The following BEGAIN variants were observed in gnomAD, a reference collection of about 807,000 sequenced individuals.
BEGAIN encodes the protein brain-enriched guanylate kinase-associated protein.
Under a neutral mutation model 35.8 loss-of-function variants are expected in BEGAIN, and 19 were observed. The ratio of observed to expected loss-of-function variants is 0.53; its 90% CI spans 0.37 to 0.78. The LOEUF (loss-of-function observed/expected upper bound fraction) is 0.78. Among genes scored for constraint, BEGAIN ranks in the 30% least tolerant of loss-of-function variants. The pLI, the probability that BEGAIN is intolerant of heterozygous loss-of-function variation, is 0.00. For synonymous variants in BEGAIN, 462 were observed against 388.6 expected, an observed-to-expected ratio of 1.19 and a Z score of -2.22; for missense variants, 795 against 853.6, an observed-to-expected ratio of 0.93 and a Z score of 0.85.
At chr14:100,554,208 C>A (rs2033483004) in intron 2 of BEGAIN, among the ~76,000 whole-genome samples, 1 of 152,160 alleles carries the variant, frequency 6.6e-6, no homozygotes. Context: ...TGAGCAGGTT[C>A]CTGGAGGCTG....
chr14:100,537,888 G>T lies in BEGAIN; in HGVS notation c.*81C>A. Reference sequence around the variant, plus strand: ...TGGCCGGGGCAGGGGAACAGCGGGGGCTGGGGAGAGGTGAGGCCGGCCCTT... The same window carrying T: ...TGGCCGGGGCAGGGGAACAGCGGGGTCTGGGGAGAGGTGAGGCCGGCCCTT... On this transcript the variant is annotated 3_prime_UTR_variant, in exon 7 of 7. Transcript: ENST00000554140. The T allele has an allele frequency of 1.3e-6, 2 of 1,490,966 alleles. No homozygotes were observed. Among genetic ancestry groups the T allele is most frequent in the South Asian group, 2.6e-5 (2 of 75,642 alleles). 92.4% of individuals were successfully genotyped at this position (1,490,966 alleles called of 1,614,324 possible). A position where few individuals can be genotyped will look rare whatever the true frequency, so the allele number is the denominator to read the frequency against.
At chr14:100,560,377 C>G (rs938045046) in intron 2 of BEGAIN, among the ~76,000 whole-genome samples, 1 of 152,232 alleles carries the variant, frequency 6.6e-6, no homozygotes, top group African/African-American at 2.4e-5. Context: ...CCTGCCCCTG[C>G]CTCTCTTTTC....
chr14:100,572,353 G>A (rs1240195533), intron 1 of BEGAIN, among the ~76,000 whole-genome samples: 1 of 152,188 alleles, frequency 6.6e-6, no homozygotes, highest in Non-Finnish European at 1.5e-5. Flanking sequence ...GAAGAGGAGA[G>A]TGAGCCCACC....
Position 100,558,985 on chromosome 14 carries a change from T to C in BEGAIN, c.71+8926A>G, listed in dbSNP as rs1033152184. ...GCCGGAGCCTGGGGCCTGGGGGTTG[T>C]TGGGGGGAGCAGACAAGGGGTGGGC... On this transcript the variant is annotated intron_variant, in intron 2 of 6. Coordinates refer to ENST00000554140, the MANE Select transcript of BEGAIN (RefSeq NM_001385089.1). The surrounding 1 kb of genome is among the most constrained non-coding windows in gnomAD (Gnocchi z 4.6). 4.0e-5 allele frequency among the ~76,000 whole-genome samples: 6 copies of C among 151,870 alleles called. No homozygotes were observed. Among genetic ancestry groups the C allele is most frequent in the Admixed American group, 1.3e-4 (2 of 15,262 alleles).
At position 100,568,399 on chromosome 14, in the gene BEGAIN, G is replaced by A; in HGVS notation, c.43-460C>T. 2 of 1,252,438 alleles carry A rather than the reference G, an allele frequency of 1.6e-6. No individual in the cohort carries two copies. The highest frequency in any genetic ancestry group is 2.1e-6 in the Non-Finnish European group (2 of 962,480). The allele number at this position is 1,252,438 out of a possible 1,614,324, so 77.6% of individuals were successfully genotyped here. A position where few individuals can be genotyped will look rare whatever the true frequency, so the allele number is the denominator to read the frequency against. ...TCGCAGAACCTCCGAGTCGGAGAATGTTGGGGAATTCGGGGCCGTGCAGGA... is the reference window on the plus strand; with the variant it reads ...TCGCAGAACCTCCGAGTCGGAGAATATTGGGGAATTCGGGGCCGTGCAGGA... On this transcript the variant is annotated intron_variant, in intron 1 of 6. Transcript: ENST00000554140. The surrounding 1 kb of genome is among the most constrained non-coding windows in gnomAD (Gnocchi z 7.5).
chr14:100,587,086 CG>C (rs890040748), intron 1 of BEGAIN, among the ~76,000 whole-genome samples, 162 bp downstream of exon 1: 97 of 151,608 alleles, frequency 6.4e-4, no homozygotes, highest in Non-Finnish European at 1.3e-3. Context: ...CGGCTCCTCC[CG>C]GGCCAGTGAA....
rs1043045994 is a variant in BEGAIN, at chr14:100,558,011, G to T, written c.71+9900C>A. 3.2e-4 allele frequency among the ~76,000 whole-genome samples: 49 copies of T among 152,092 alleles called. 1 individual carries two copies. The highest frequency in any genetic ancestry group is 8.8e-5 in the Non-Finnish European group (6 of 68,018). ...AGGCAGCCCTCAGCTGGGCTGGACC[G>T]TGGCCACTGGCTTCCCCCAGCTGCA... On this transcript the variant is annotated intron_variant, in intron 2 of 6. Transcript: ENST00000554140. The surrounding 1 kb of genome is among the most constrained non-coding windows in gnomAD (Gnocchi z 4.6).
chr14:100,572,004 G>A lies in BEGAIN; in HGVS notation c.43-4065C>T, dbSNP rs151214776. Among the ~76,000 whole-genome samples, 593 of 152,258 alleles carry A rather than the reference G, an allele frequency of 3.9e-3. 7 individuals are homozygous for A. Among genetic ancestry groups the A allele is most frequent in the African/African-American group, 0.014 (569 of 41,562 alleles). ...CATGGAAGCCCTGCGGTGAGCAGGT[G>A]GTGTTGGCCTGAACGAATGCAGTGC... is the stretch of plus-strand genomic sequence containing the variant. On this transcript the variant is annotated intron_variant, in intron 1 of 6. Transcript: ENST00000554140.
At chr14:100,575,665 G>A (rs1326844813) in intron 1 of BEGAIN, among the ~76,000 whole-genome samples, 1 of 152,144 alleles carries the variant, frequency 6.6e-6, no homozygotes, top group Admixed American at 6.5e-5. Context: ...GGTGCAGCAG[G>A]AGTTAGGCCT....
In BEGAIN at chr14:100,558,356, C is replaced by A. The variant is rs564643507; in HGVS notation, c.71+9555G>T. Among the ~76,000 whole-genome samples, 12 of 152,316 alleles carry A rather than the reference C, an allele frequency of 7.9e-5. No homozygotes were observed. The highest frequency in any genetic ancestry group is 5.9e-4 in the Admixed American group (9 of 15,300). On this transcript the variant is annotated intron_variant, in intron 2 of 6. Transcript: ENST00000554140. The surrounding 1 kb of genome is among the most constrained non-coding windows in gnomAD (Gnocchi z 4.6). ...AGGCACATGCTGCCTCTCCCTGCTCCCGCACCTCCCACCCTCACTGCGCTC... is the reference window on the plus strand; with the variant it reads ...AGGCACATGCTGCCTCTCCCTGCTCACGCACCTCCCACCCTCACTGCGCTC...
intron 2 of BEGAIN, among the ~76,000 whole-genome samples, chr14:100,550,088 G>A (rs771056202): frequency 1.2e-4 from 18 of 152,330 alleles, no homozygotes; most frequent in African/African-American, 1.4e-4. Context: ...GCGTGCGCAC[G>A]TGATTCTTGG....
At chr14:100,553,267 C>G (rs1193704345) in intron 2 of BEGAIN, among the ~76,000 whole-genome samples, 1 of 152,060 alleles carries the variant, frequency 6.6e-6, no homozygotes, top group Non-Finnish European at 1.5e-5. Flanking sequence ...CCCCTCCCGC[C>G]GCCTCTCAGC....
intron 2 of BEGAIN, among the ~76,000 whole-genome samples, chr14:100,565,028 G>T (rs1212526024): frequency 6.6e-6 from 1 of 152,190 alleles, no homozygotes; most frequent in Non-Finnish European, 1.5e-5. Context: ...CCCAGGCCAG[G>T]GTTCACAACC....
In BEGAIN at chr14:100,567,837, TC is replaced by T; in HGVS notation, c.71+73del. 2.1e-6 allele frequency: 3 copies of T among 1,401,542 alleles called. No individual in the cohort carries two copies. The highest frequency in any genetic ancestry group is 2.4e-5 in the Admixed American group (1 of 41,408). The allele number at this position is 1,401,542 out of a possible 1,614,324, so 86.8% of individuals were successfully genotyped here. On this transcript the variant is annotated intron_variant, in intron 2 of 6. Transcript: ENST00000554140. This position sits in a 1 kb window ranked among gnomAD's most constrained non-coding sequence, Gnocchi z 5.1. ...GGGATGCGCTCGGGTGGAGCCCCCT[TC>T]CCCCGCCTTCCCCAGCGCCCTCACC...
intron 6 of BEGAIN, chr14:100,540,133 C>T (rs2031367979): frequency 8.4e-6 from 2 of 239,250 alleles, no homozygotes; most frequent in Admixed American, 5.1e-5. Context: ...GAAATAGGCA[C>T]TGCCGGTCAT....
intron 2 of BEGAIN, among the ~76,000 whole-genome samples, chr14:100,562,310 T>A (rs1281517517): frequency 1.3e-5 from 2 of 151,928 alleles, no homozygotes; most frequent in Non-Finnish European, 2.9e-5. Context: ...TGCAATTAGT[T>A]CCCCACCCTC....
intron 3 of BEGAIN, chr14:100,545,491 AG>A (rs1288428745): frequency 3.2e-6 from 3 of 942,828 alleles, no homozygotes; most frequent in African/African-American, 3.6e-5. Context: ...CCCCAGGGTG[AG>A]GCTGGAGACA....
chr14:100,580,974 C>T lies in BEGAIN; in HGVS notation c.42+6275G>A, dbSNP rs531339152. On this transcript the variant is annotated intron_variant, in intron 1 of 6. Transcript: ENST00000554140. The stretch of plus-strand genomic sequence containing the variant: ...CTCCCACCCTATGGTCCCCGACAGT[C>T]GCCCCTCTACACCCGGACAGCCCTT... Among the ~76,000 whole-genome samples, 5 of 152,278 alleles carry T rather than the reference C, an allele frequency of 3.3e-5. No individual in the cohort carries two copies. In the South Asian group the frequency reaches 1.0e-3, roughly 32 times the overall value.
rs1293261842 is a variant in BEGAIN at position 100,543,381 on chromosome 14, G to A, written c.408+477C>T. On this transcript the variant is annotated intron_variant, in intron 5 of 6. Transcript: ENST00000554140. ...GGTCTGGCAAGGTAGAAGCTAATTC[G>A]TGAATGCAGAGGCAGCTGTCCAGGG... is the stretch of plus-strand genomic sequence containing the variant. 2.0e-5 allele frequency among the ~76,000 whole-genome samples: 3 copies of A among 151,202 alleles called. No homozygotes were observed. In the East Asian group the frequency reaches 5.8e-4, roughly 29 times the overall value.
Sources: gnomAD v4.1 joint callset for allele counts (sites outside exome capture counted in the v4.1 genomes callset) on GRCh38, gnomAD v4.1.1 for gene constraint, Gnocchi (gnomAD v3.1) non-coding constraint, MANE v1.5 for transcripts, NCBI Gene and HGNC (gene_info 2026-07-23, HGNC 2026-07-21) for gene names.